The following KANK3 variants were observed in gnomAD, a reference collection of about 807,000 sequenced individuals.
KANK3 encodes the protein KN motif and ankyrin repeat domains 3, also known as KN motif and ankyrin repeat domain-containing protein 3.
Under a neutral mutation model 65.4 loss-of-function variants are expected in KANK3, and 61 were observed. That is an observed-to-expected ratio of 0.93 (90% CI 0.76 to 1.15). The LOEUF (loss-of-function observed/expected upper bound fraction) is 1.15, where lower values mean the gene tolerates loss of function less well. KANK3 is among the 50% of genes most tolerant of loss of function. The pLI is 0.00. For synonymous variants in KANK3, 586 were observed against 543.3 expected (o/e 1.08, Z -1.09); for missense variants, 1,187 against 1,178.8 (o/e 1.01, Z -0.10).
At chr19:8,332,850 A>G (rs1599647020) in intron 7 of KANK3, 164 bp downstream of exon 7, 5 of 399,686 alleles carry the variant, frequency 1.3e-5, no homozygotes, top group African/African-American at 8.3e-5. Context: ...ATAAAATAAA[A>G]TAATAAAATT....
intron 7 of KANK3, 86 bp downstream of exon 7, chr19:8,332,928 C>T: frequency 8.9e-7 from 1 of 1,118,882 alleles, no homozygotes; most frequent in Non-Finnish European, 1.3e-6. Flanking sequence ...CTGCTTTCCT[C>T]TCCAGAGTCT....
Position 8,335,071 on chromosome 19 carries a change from C to G in KANK3, c.756G>C (p.Glu252Asp). The G allele has an allele frequency of 7.6e-7, 1 of 1,318,636 alleles. No homozygotes were observed. Among genetic ancestry groups the G allele is most frequent in the East Asian group, 3.2e-5 (1 of 31,558 alleles). 81.7% of individuals were successfully genotyped at this position (1,318,636 alleles called of 1,614,324 possible). ...CGCCGCGCTCGGAGGTGGCCAGGCG[C>G]TCGGTGAGCCGCCGCAGCTGGGCGA... Reference protein sequence around the residue: ...DKLAQLRRLTERLATSERGGR... With the variant: ...DKLAQLRRLTDRLATSERGGR... The change falls in exon 3 of 11, where the codon GAG (glutamate) becomes GAC (aspartate). Residue 252 changes from glutamate (E) to aspartate (D), a missense_variant. This residue lies in a region of KANK3 where 1,078 missense variants were observed against 1,038.2 expected (regional missense o/e 1.04). Transcript: ENST00000330915.
At chr19:8,329,047 T>C (rs1970478328) in intron 7 of KANK3, among the ~76,000 whole-genome samples, 1 of 148,828 alleles carries the variant, frequency 6.7e-6, no homozygotes, top group African/African-American at 2.5e-5. Flanking sequence ...GGCGGACACC[T>C]GTAGTCCCAG....
Position 8,335,442 on chromosome 19 carries a change from G to T in KANK3, c.385C>A (p.Arg129Ser). 1 of 1,220,534 alleles carries T rather than the reference G, an allele frequency of 8.2e-7. No individual in the cohort carries two copies. The highest frequency in any genetic ancestry group is 1.0e-6 in the Non-Finnish European group (1 of 979,220). 75.6% of individuals were successfully genotyped at this position (1,220,534 alleles called of 1,614,324 possible). A position where few individuals can be genotyped will look rare whatever the true frequency, so the allele number is the denominator to read the frequency against. ...LSPRAPVRNP[R>S]VEHTLRETSR... ...GTCTCCCGGAGCGTGTGCTCGACGC[G>T]CGGGTTGCGCACGGGCGCGCGCGGC... Residue 129 changes from arginine (R) to serine (S), a missense_variant, in exon 3 of 11, where the codon CGC (arginine) becomes AGC (serine). Arg to Ser is a moderately radical substitution (Grantham distance 110). This residue lies in a region of KANK3 where 1,078 missense variants were observed against 1,038.2 expected (regional missense o/e 1.04). Transcript: ENST00000330915.
At chr19:8,342,765 G>C (rs1970737132) in intron 1 of KANK3, among the ~76,000 whole-genome samples, 1 of 152,198 alleles carries the variant, frequency 6.6e-6, no homozygotes, top group South Asian at 2.1e-4. Flanking sequence ...TAGCCGCACA[G>C]AGACAGAGCA....
At chr19:8,324,260 A>C (rs964923335) in intron 10 of KANK3, among the ~76,000 whole-genome samples, 189 bp downstream of exon 10, 1 of 152,278 alleles carries the variant, frequency 6.6e-6, no homozygotes, top group East Asian at 1.9e-4. Flanking sequence ...CTACACCCCA[A>C]CCCGGGTTAC....
chr19:8,330,041 G>A (rs1314038467), intron 7 of KANK3, among the ~76,000 whole-genome samples: 4 of 152,158 alleles, frequency 2.6e-5, no homozygotes, highest in African/African-American at 9.7e-5. Context: ...AGAGGTAGAA[G>A]CCAGAGAGGC....
Position 8,324,595 on chromosome 19 carries a change from C to T in KANK3, c.2283+35G>A, listed in dbSNP as rs373095585. ...AGATCCCTGAGCCAAGCCATGGGCACCCCCCAAGATGCCAGCCCCATTGTG... is the reference window on the plus strand; with the variant it reads ...AGATCCCTGAGCCAAGCCATGGGCATCCCCCAAGATGCCAGCCCCATTGTG... On this transcript the variant is annotated intron_variant, in intron 9 of 10. Coordinates refer to ENST00000330915, the MANE Select transcript of KANK3 (RefSeq NM_198471.3). 52 of 1,611,306 alleles carry T rather than the reference C, an allele frequency of 3.2e-5. 2 individuals carry two copies. The highest frequency in any genetic ancestry group is 5.9e-6 in the Non-Finnish European group (7 of 1,177,828).
intron 10 of KANK3, among the ~76,000 whole-genome samples, 181 bp downstream of exon 10, chr19:8,324,268 T>G (rs1008160786): frequency 6.6e-6 from 1 of 152,178 alleles, no homozygotes; most frequent in African/African-American, 2.4e-5. Context: ...CAACCCGGGT[T>G]ACAGAGTGAG....
chr19:8,336,432 T>TTA (rs1568578221), intron 2 of KANK3, among the ~76,000 whole-genome samples: 69 of 35,366 alleles, frequency 2.0e-3, no homozygotes, highest in Middle Eastern at 0.021. Context: ...AGAGAACCTC[T>TTA]CAAAAAAAAA....
At chr19:8,338,889 AAAAAAAAAAAG>A (rs1245100850) in intron 1 of KANK3, among the ~76,000 whole-genome samples, 3 of 149,802 alleles carry the variant, frequency 2.0e-5, no homozygotes, top group Non-Finnish European at 4.4e-5. Context: ...AAAAAAAAAA[AAAAAAAAAAAG>A]GATGTAATTG....
rs1047557149 is a variant in KANK3 at position 8,322,761 on chromosome 19, C to G, written c.*78G>C. On this transcript the variant is annotated 3_prime_UTR_variant, in exon 11 of 11. Coordinates refer to ENST00000330915, the MANE Select transcript of KANK3 (RefSeq NM_198471.3). Reference sequence around the variant, plus strand: ...AGCCTCTGAGCAGGGGACCCTGGACCCTTCTGTGCGCCAAAGGCTGAGGTG... The same window carrying G: ...AGCCTCTGAGCAGGGGACCCTGGACGCTTCTGTGCGCCAAAGGCTGAGGTG... The G allele has an allele frequency of 9.0e-7, 1 of 1,110,252 alleles. No individual in the cohort carries two copies. The highest frequency in any genetic ancestry group is 1.3e-6 in the Non-Finnish European group (1 of 746,758). 68.8% of individuals were successfully genotyped at this position (1,110,252 alleles called of 1,614,324 possible). A position where few individuals can be genotyped will look rare whatever the true frequency, so the allele number is the denominator to read the frequency against.
In KANK3 at chr19:8,333,922, A is replaced by G; in HGVS notation, c.1622T>C (p.Val541Ala). ...GAGCGCCGCTCACCTCCCCTGTGCC[A>G]CCTGCTGAGGCTCTGCCTCCGCCTC... is the stretch of plus-strand genomic sequence containing the variant. Reference protein sequence around the residue: ...EPEAEAEPQQVAQGRCELSPR... With the variant: ...EPEAEAEPQQAAQGRCELSPR... Residue 541 changes from valine to alanine, a missense_variant, in exon 5 of 11, where the codon GTG becomes GCG. Val to Ala is a moderately conservative substitution (Grantham distance 64). Transcript: ENST00000330915. This position sits in a 1 kb window ranked among gnomAD's most constrained non-coding sequence, Gnocchi z 5.0. The G allele has an allele frequency of 6.3e-7, 1 of 1,578,334 alleles. No individual in the cohort carries two copies. Among genetic ancestry groups the G allele is most frequent in the African/African-American group, 1.4e-5 (1 of 74,008 alleles).
At chr19:8,323,128 T>C (rs931728461) in intron 10 of KANK3, 5 of 427,908 alleles carry the variant, frequency 1.2e-5, no homozygotes, top group African/African-American at 1.0e-4. Flanking sequence ...CAGGTGTTCC[T>C]CAGTTTACAA....
Position 8,334,839 on chromosome 19 carries a change from C to A in KANK3, c.988G>T (p.Ala330Ser), listed in dbSNP as rs1187140218. ...PETREAGVEA[A>S]PETVEADAWV... ...GCGTCCGCCTCCACGGTCTCGGGGG[C>A]AGCCTCCACGCCGGCCTCCCGGGTC... The change falls in exon 3 of 11, where the codon GCC (alanine) becomes TCC (serine). Residue 330 changes from alanine (A) to serine (S), a missense_variant. Physicochemically the swap from Ala to Ser is moderately conservative, Grantham distance 99. Transcript: ENST00000330915. The A allele has an allele frequency of 6.8e-7, 1 of 1,476,654 alleles. No individual in the cohort carries two copies. The highest frequency in any genetic ancestry group is 8.9e-7 in the Non-Finnish European group (1 of 1,123,026). The allele number at this position is 1,476,654 out of a possible 1,614,324, so 91.5% of individuals were successfully genotyped here.
chr19:8,339,232 G>A (rs1158628079), intron 1 of KANK3, among the ~76,000 whole-genome samples: 1 of 151,776 alleles, frequency 6.6e-6, no homozygotes, highest in Non-Finnish European at 1.5e-5. Flanking sequence ...GACAAATATT[G>A]AATCCAGAAC....
rs192805922 is a variant in KANK3 at position 8,329,122 on chromosome 19, G to C, written c.1936+3892C>G. On this transcript the variant is annotated intron_variant, in intron 7 of 10. Transcript: ENST00000330915. The stretch of plus-strand genomic sequence containing the variant: ...GGAGGCAGACCTTGCAGTGAGCCGA[G>C]ATGGCGCCACTGCACTCCAGCCTGG... Among the ~76,000 whole-genome samples the C allele has an allele frequency of 2.1e-3, 310 of 147,278 alleles. 1 individual carries two copies. The highest frequency in any genetic ancestry group is 3.8e-3 in the Non-Finnish European group (256 of 67,364).
intron 7 of KANK3, among the ~76,000 whole-genome samples, chr19:8,325,683 A>G (rs1005396570): frequency 6.6e-6 from 1 of 152,074 alleles, no homozygotes; most frequent in African/African-American, 2.4e-5. Context: ...GCTCAGTTAA[A>G]CATTTGTTGA....
chr19:8,342,926 C>T (rs1434943815), intron 1 of KANK3, among the ~76,000 whole-genome samples: 1 of 152,140 alleles, frequency 6.6e-6, no homozygotes, highest in East Asian at 1.9e-4. Flanking sequence ...CCCAGGCCGT[C>T]CCGGGAAAGG....
Sources: gnomAD v4.1 joint callset for allele counts (sites outside exome capture counted in the v4.1 genomes callset) on GRCh38, gnomAD v4.1.1 for gene constraint, gnomAD v4.1.1 regional missense constraint, Gnocchi (gnomAD v3.1) non-coding constraint, MANE v1.5 for transcripts, NCBI Gene and HGNC (gene_info 2026-07-23, HGNC 2026-07-21) for gene names.